Variants in KIR3DL2 observed in about 807,000 individuals in gnomAD.
The protein encoded by KIR3DL2 is killer cell immunoglobulin-like receptor 3DL2.
A neutral mutation model predicts 41.6 loss-of-function variants in KIR3DL2; 42 were observed. The observed-to-expected ratio is 1.01, with a 90% CI of 0.79 to 1.31. KIR3DL2 has a LOEUF of 1.31. KIR3DL2 is among the 50% of genes most tolerant of loss of function. The pLI is 0.00. For missense variants in KIR3DL2, 728 were observed against 576.8 expected, an observed-to-expected ratio of 1.26 and a Z score of -2.68; for synonymous variants, 230 against 221.3, an observed-to-expected ratio of 1.04 and a Z score of -0.35.
At chr19:54,856,172 T>A (rs1337457201) in intron 5 of KIR3DL2, among the ~76,000 whole-genome samples, 3 of 151,486 alleles carry the variant, frequency 2.0e-5, no homozygotes, top group African/African-American at 7.3e-5. Flanking sequence ...AAGGGGAGAC[T>A]GGGCTCAGTT....
intron 6 of KIR3DL2, among the ~76,000 whole-genome samples, chr19:54,862,093 G>A (rs1758493487): frequency 1.3e-5 from 2 of 152,126 alleles, no homozygotes; most frequent in Admixed American, 6.5e-5. Context: ...TGGTTTTGAA[G>A]CAATAGATGG....
Position 54,851,126 on chromosome 19 carries a change from A to G in KIR3DL2, c.35-94A>G, listed in dbSNP as rs955928481. The G allele has an allele frequency of 7.0e-5, 105 of 1,492,554 alleles. 1 individual carries two copies. In the Middle Eastern group the frequency reaches 8.7e-4, roughly 12 times the overall value. 92.5% of individuals were successfully genotyped at this position (1,492,554 alleles called of 1,614,324 possible). ...GGCTAAGTTTACCTTCAGCCCAGCAAGGGCCTGGCTGCCAAGACACACAGT... is the reference window on the plus strand; with the variant it reads ...GGCTAAGTTTACCTTCAGCCCAGCAGGGGCCTGGCTGCCAAGACACACAGT... On this transcript the variant is annotated intron_variant, in intron 1 of 8. Coordinates refer to ENST00000326321, the MANE Select transcript of KIR3DL2 (RefSeq NM_006737.4).
chr19:54,852,347 G>A (rs1157257858), intron 3 of KIR3DL2, 65 bp downstream of exon 3: 20 of 1,578,494 alleles, frequency 1.3e-5, no homozygotes, highest in African/African-American at 8.2e-5. Context: ...TTCTGGTGGG[G>A]GTGTCCATCA....
At position 54,851,717 on chromosome 19, in the gene KIR3DL2, C is replaced by T. The variant is rs1369581254; in HGVS notation, c.71-281C>T. Reference sequence around the variant, plus strand: ...TGGCTGATATTCCATTCACATAGGACATGCCCTCCATGCCGTGTCTACTTT... The same window carrying T: ...TGGCTGATATTCCATTCACATAGGATATGCCCTCCATGCCGTGTCTACTTT... On this transcript the variant is annotated intron_variant, in intron 2 of 8. Transcript: ENST00000326321. 2.6e-5 allele frequency among the ~76,000 whole-genome samples: 4 copies of T among 151,764 alleles called. 1 individual carries two copies. Among genetic ancestry groups the T allele is most frequent in the African/African-American group, 4.9e-5 (2 of 41,050 alleles).
intron 3 of KIR3DL2, among the ~76,000 whole-genome samples, chr19:54,853,224 G>A (rs1402233407): frequency 6.6e-6 from 1 of 151,690 alleles, no homozygotes; most frequent in East Asian, 1.9e-4. Context: ...CATAGGAAGG[G>A]GTTGATGCTC....
rs1303970805 is a variant in KIR3DL2, at chr19:54,859,396, G to A, written c.1000+267G>A. Among the ~76,000 whole-genome samples, 4 of 152,196 alleles carry A rather than the reference G, an allele frequency of 2.6e-5. No homozygotes were observed. In the East Asian group the frequency reaches 7.7e-4, roughly 29 times the overall value. ...TGACATCCTTCTCAGGAAAAATGCA[G>A]TGTTTTTTCTGCCTGCATTCCTAAC... On this transcript the variant is annotated intron_variant, in intron 6 of 8. Transcript: ENST00000326321.
chr19:54,853,664 G>A (rs1240921820), intron 3 of KIR3DL2, 83 bp from the exon 4 acceptor site: 3 of 1,501,842 alleles, frequency 2.0e-6, no homozygotes, highest in South Asian at 1.1e-5. Flanking sequence ...AGACCTCTGG[G>A]AGGGGAACCC....
intron 5 of KIR3DL2, 122 bp downstream of exon 5, chr19:54,856,034 G>C: frequency 1.7e-6 from 2 of 1,192,354 alleles, no homozygotes; most frequent in Non-Finnish European, 2.3e-6. Flanking sequence ...TGGGTGTGAG[G>C]GGGGGGTCAG....
rs1262956652 is a variant in KIR3DL2 at position 54,854,000 on chromosome 19, CT to C, written c.610del (p.Tyr204IlefsTer13). On this transcript the variant is annotated frameshift_variant, in exon 4 of 9. Transcript: ENST00000326321. LOFTEE classifies it high-confidence loss of function. The stretch of plus-strand genomic sequence containing the variant: ...GTTATGGTTCTGTTCCTCACTCCCC[CT>C]ATCAGTTGTCAGCTCCCAGTGACCC... ...RCYGSVPHSPYQLSAPSDPLD... is the reference protein window; with the variant it reads ...RCYGSVPHSPXQLSAPSDPLD... 3.1e-6 allele frequency: 5 copies of C among 1,613,118 alleles called. No homozygotes were observed. Among genetic ancestry groups the C allele is most frequent in the Non-Finnish European group, 3.4e-6 (4 of 1,179,750 alleles).
intron 2 of KIR3DL2, 40 bp downstream of exon 2, chr19:54,851,295 A>G: frequency 1.3e-6 from 2 of 1,592,214 alleles, no homozygotes. Flanking sequence ...ATCTCCCCAC[A>G]TAAGAGGATT....
At chr19:54,852,353 C>T in intron 3 of KIR3DL2, 71 bp downstream of exon 3, 1 of 1,570,820 alleles carries the variant, frequency 6.4e-7, no homozygotes, top group South Asian at 1.1e-5. Context: ...TGGGGGTGTC[C>T]ATCAGGGTCC....
intron 2 of KIR3DL2, among the ~76,000 whole-genome samples, chr19:54,851,546 G>GA (rs1292811117): frequency 1.3e-5 from 2 of 151,566 alleles, no homozygotes. Flanking sequence ...CAGGTCCTCT[G>GA]AGGACAAAGG....
At position 54,851,216 on chromosome 19, in the gene KIR3DL2, C is replaced by T; in HGVS notation, c.35-4C>T. 6 of 1,610,686 alleles carry T rather than the reference C, an allele frequency of 3.7e-6. No individual in the cohort carries two copies. In the South Asian group the frequency reaches 4.4e-5, roughly 12 times the overall value. ...GGATCGTCTATCATGATCTTTCTTT[C>T]CAGGGTTCTTCTTGCTGCAGGGGGC... On this transcript the variant is annotated splice_region_variant and splice_polypyrimidine_tract_variant and intron_variant, in intron 1 of 8. Coordinates refer to ENST00000326321, the MANE Select transcript of KIR3DL2 (RefSeq NM_006737.4).
intron 6 of KIR3DL2, among the ~76,000 whole-genome samples, chr19:54,861,604 G>A (rs1250422314): frequency 2.7e-5 from 4 of 150,828 alleles, no homozygotes; most frequent in Admixed American, 1.3e-4. Context: ...AGTGGAGATC[G>A]CATCACTGCA....
intron 4 of KIR3DL2, among the ~76,000 whole-genome samples, chr19:54,854,966 A>G (rs2064617598): frequency 6.6e-6 from 1 of 151,672 alleles, no homozygotes; most frequent in Admixed American, 6.6e-5. Context: ...AGATATAGAT[A>G]GATGATAAAT....
At chr19:54,852,354 A>C in intron 3 of KIR3DL2, 72 bp downstream of exon 3, 3 of 1,562,404 alleles carry the variant, frequency 1.9e-6, no homozygotes, top group East Asian at 2.3e-5. Flanking sequence ...GGGGGTGTCC[A>C]TCAGGGTCCC....
At chr19:54,850,666 TGGAGATATGG>T (rs2064118768) in intron 1 of KIR3DL2, among the ~76,000 whole-genome samples, 157 bp downstream of exon 1, 2 of 84,602 alleles carry the variant, frequency 2.4e-5, no homozygotes, top group Admixed American at 1.5e-4. Flanking sequence ...GGGCCTGGAG[TGGAGATATGG>T]GCCTGGAGGG....
In KIR3DL2 at chr19:54,865,901, AC is replaced by A; in HGVS notation, c.1098del (p.Asn366LysfsTer7). The A allele has an allele frequency of 6.2e-7, 1 of 1,612,342 alleles. No homozygotes were observed. The highest frequency in any genetic ancestry group is 8.5e-7 in the Non-Finnish European group (1 of 1,178,754). On this transcript the variant is annotated frameshift_variant, in exon 7 of 9. Coordinates refer to ENST00000326321, the MANE Select transcript of KIR3DL2 (RefSeq NM_006737.4). LOFTEE classifies it high-confidence loss of function. ...TTTCTCCTTTATCGCTGGTGCTCCAACAAAAAGAGTAAGTCTCACGAAGCAG... is the reference window on the plus strand; with the variant it reads ...TTTCTCCTTTATCGCTGGTGCTCCAAAAAAAGAGTAAGTCTCACGAAGCAG... ...LFFLLYRWCS[N>X]KKNAAVMDQE... is the part of the protein sequence containing the mutation.
At chr19:54,850,960 A>AGGGGCC (rs2064171978) in intron 1 of KIR3DL2, among the ~76,000 whole-genome samples, 2 of 131,778 alleles carry the variant, frequency 1.5e-5, no homozygotes, top group East Asian at 2.4e-4. Flanking sequence ...GAGTGGAGAT[A>AGGGGCC]TGGGCCTGGA....
Sources: allele counts gnomAD v4.1 joint callset (sites outside exome capture counted in the v4.1 genomes callset), GRCh38; gene constraint gnomAD v4.1.1; transcripts MANE v1.5; gene names NCBI Gene and HGNC (gene_info 2026-07-23, HGNC 2026-07-21).